Variants in GMPR observed in about 807,000 individuals in gnomAD.
The protein encoded by GMPR is guanosine monophosphate reductase, also known as GMP reductase 1.
In GMPR, 31 loss-of-function variants were observed where a neutral mutation model predicts 38.4. That is an observed-to-expected ratio of 0.81 (90% CI 0.61 to 1.09). GMPR has a LOEUF of 1.09. Among genes scored for constraint, GMPR ranks in the 50% least tolerant of loss-of-function variants. GMPR has a pLI of 0.00. For missense variants in GMPR, 468 were observed against 453.7 expected (o/e 1.03, Z -0.29); for synonymous variants, 162 against 173.3 (o/e 0.93, Z 0.51).
intron 1 of GMPR, among the ~76,000 whole-genome samples, chr6:16,246,394 G>T (rs953134295): frequency 4.6e-5 from 7 of 152,200 alleles, no homozygotes; most frequent in African/African-American, 1.7e-4. Flanking sequence ...GGTAAAAGGC[G>T]AAGGGATTAA....
At chr6:16,265,087 A>G (rs1211447815) in intron 4 of GMPR, among the ~76,000 whole-genome samples, 1 of 152,166 alleles carries the variant, frequency 6.6e-6, no homozygotes, top group Non-Finnish European at 1.5e-5. Context: ...GTACTGTGTA[A>G]AAAGGCACTA....
At chr6:16,280,428 G>A (rs1208537434) in intron 6 of GMPR, among the ~76,000 whole-genome samples, 1 of 152,198 alleles carries the variant, frequency 6.6e-6, no homozygotes, top group African/African-American at 2.4e-5. Context: ...GATAGTATCT[G>A]AAATAAATGG....
In GMPR at chr6:16,285,755, G is replaced by A. The variant is rs538734359; in HGVS notation, c.655-38G>A. 40 of 1,589,106 alleles carry A rather than the reference G, an allele frequency of 2.5e-5. No individual in the cohort carries two copies. In the Admixed American group the frequency reaches 4.0e-4, roughly 16 times the overall value. ...GAGGGGACAGCCTGGCTGAGCTCCC[G>A]CTGATGATGTCCTGTCCTTGCTTTT... On this transcript the variant is annotated intron_variant, in intron 6 of 8. Transcript: ENST00000259727.
At chr6:16,288,648 G>A (rs529130333) in intron 7 of GMPR, among the ~76,000 whole-genome samples, 27 of 152,348 alleles carry the variant, frequency 1.8e-4, no homozygotes, top group East Asian at 1.7e-3. Context: ...GCAGGCGCAG[G>A]GCGTGGGACT....
intron 4 of GMPR, among the ~76,000 whole-genome samples, chr6:16,261,985 T>TGG (rs1759094748): frequency 6.6e-6 from 1 of 151,366 alleles, no homozygotes; most frequent in South Asian, 2.1e-4. Flanking sequence ...ACTGGGCAGG[T>TGG]GGGGATAACT....
chr6:16,248,108 G>A (rs1758795425), intron 2 of GMPR, among the ~76,000 whole-genome samples: 1 of 151,614 alleles, frequency 6.6e-6, no homozygotes, highest in South Asian at 2.1e-4. Flanking sequence ...GTGTGAGCCT[G>A]TAGTCCCAGC....
intron 4 of GMPR, chr6:16,262,622 T>C (rs544669113): frequency 6.6e-6 from 1 of 152,184 alleles, no homozygotes; most frequent in South Asian, 2.1e-4. Context: ...GTTAATTAAA[T>C]CCTGTTGTGG....
chr6:16,260,142 A>AAC (rs1174643445), intron 4 of GMPR, among the ~76,000 whole-genome samples: 3 of 152,006 alleles, frequency 2.0e-5, no homozygotes, highest in Non-Finnish European at 4.4e-5. Context: ...GGAAAGTGGT[A>AAC]AAAGTATTGT....
chr6:16,290,016 A>C, intron 7 of GMPR: 1 of 154,026 alleles, frequency 6.5e-6, no homozygotes, highest in South Asian at 2.0e-4. Flanking sequence ...ATGGGGTTTT[A>C]TCATGTTGGC....
intron 5 of GMPR, among the ~76,000 whole-genome samples, chr6:16,277,138 G>A (rs558390354): frequency 6.6e-6 from 1 of 152,334 alleles, no homozygotes; most frequent in African/African-American, 2.4e-5. Context: ...GCGGGGGGAA[G>A]GCGCCTTCGT....
intron 4 of GMPR, among the ~76,000 whole-genome samples, chr6:16,268,093 G>T (rs1231190872): frequency 6.6e-6 from 1 of 152,198 alleles, no homozygotes; most frequent in African/African-American, 2.4e-5. Context: ...TACAAGGGGT[G>T]TGTATGGCTG....
At chr6:16,260,374 G>A (rs1759059481) in intron 4 of GMPR, among the ~76,000 whole-genome samples, 1 of 152,018 alleles carries the variant, frequency 6.6e-6, no homozygotes, top group South Asian at 2.1e-4. Context: ...ATTTCTGACA[G>A]AAGGGAGGAA....
intron 4 of GMPR, among the ~76,000 whole-genome samples, chr6:16,264,141 A>C (rs1271520108): frequency 6.6e-6 from 1 of 151,916 alleles, no homozygotes; most frequent in Non-Finnish European, 1.5e-5. Context: ...ACACCAAGGG[A>C]AGGCTGCCTT....
At chr6:16,279,015 T>C in intron 6 of GMPR, 125 bp downstream of exon 6, 1 of 636,362 alleles carries the variant, frequency 1.6e-6, no homozygotes, top group Non-Finnish European at 2.8e-6. Flanking sequence ...GTCACAGCGC[T>C]GACATTCAGC....
chr6:16,268,990 A>G lies in GMPR; in HGVS notation c.466-5425A>G, dbSNP rs544169270. ...GTGGCACTAAGTCCCTTCACGAAAA[A>G]AATAAAAATTATTTAAAAAACAAAA... is the stretch of plus-strand genomic sequence containing the variant. On this transcript the variant is annotated intron_variant, in intron 4 of 8. Coordinates refer to ENST00000259727, the MANE Select transcript of GMPR (RefSeq NM_006877.4). Among the ~76,000 whole-genome samples, 4 of 151,750 alleles carry G rather than the reference A, an allele frequency of 2.6e-5. No individual in the cohort carries two copies. The South Asian group carries it at 8.3e-4, about 32-fold the overall frequency.
chr6:16,267,096 G>T (rs1486010575), intron 4 of GMPR, among the ~76,000 whole-genome samples: 1 of 152,110 alleles, frequency 6.6e-6, no homozygotes, highest in Non-Finnish European at 1.5e-5. Context: ...GGGCGCTGTG[G>T]CTCACGCCTG....
intron 8 of GMPR, among the ~76,000 whole-genome samples, chr6:16,292,445 G>A (rs1355181208): frequency 6.6e-6 from 1 of 152,118 alleles, no homozygotes. Context: ...AAAGCAGGAT[G>A]GGAAAGATCG....
chr6:16,285,017 CA>C (rs1230598044), intron 6 of GMPR, among the ~76,000 whole-genome samples: 50 of 35,096 alleles, frequency 1.4e-3, no homozygotes, highest in African/African-American at 2.1e-3. Flanking sequence ...GAGACTGTCT[CA>C]AAAAAAAAAA....
intron 4 of GMPR, among the ~76,000 whole-genome samples, chr6:16,267,729 T>TG (rs1373774649): frequency 6.6e-6 from 1 of 152,168 alleles, no homozygotes; most frequent in East Asian, 1.9e-4. Context: ...GTGTTGGCTC[T>TG]GGGAGATGCT....
Sources: gnomAD v4.1 joint callset for allele counts (sites outside exome capture counted in the v4.1 genomes callset) on GRCh38, gnomAD v4.1.1 for gene constraint, MANE v1.5 for transcripts, NCBI Gene and HGNC (gene_info 2026-07-23, HGNC 2026-07-21) for gene names.